SLC6A11: variants seen among roughly 807,000 people sequenced by gnomAD.
The protein encoded by SLC6A11 is solute carrier family 6 member 11.
In SLC6A11, 25 loss-of-function variants were observed where a neutral mutation model predicts 74.8. The observed-to-expected ratio is 0.33, with a 90% CI of 0.24 to 0.47. The LOEUF is 0.47. SLC6A11 is among the 20% of genes least tolerant of loss of function. SLC6A11 has a pLI of 1.00. For missense variants in SLC6A11, 574 were observed against 837.0 expected, an observed-to-expected ratio of 0.69 and a Z score of 3.88; for synonymous variants, 330 against 330.2, an observed-to-expected ratio of 1.00 and a Z score of 0.01.
intron 5 of SLC6A11, among the ~76,000 whole-genome samples, chr3:10,846,415 G>A (rs1694503840): frequency 6.6e-6 from 1 of 152,176 alleles, no homozygotes. Context: ...TGGTGGCTGT[G>A]CATGGGTGCA....
intron 6 of SLC6A11, among the ~76,000 whole-genome samples, chr3:10,899,807 C>A (rs1445585068): frequency 6.6e-6 from 1 of 152,208 alleles, no homozygotes; most frequent in Non-Finnish European, 1.5e-5. Flanking sequence ...TAGTATGGAG[C>A]AGGAGCTTAA....
chr3:10,884,465 T>C (rs984305878), intron 6 of SLC6A11, among the ~76,000 whole-genome samples: 1 of 152,238 alleles, frequency 6.6e-6, no homozygotes, highest in African/African-American at 2.4e-5. Context: ...TTATAAGTCA[T>C]GAGAATTTTA....
At chr3:10,843,173 G>A (rs1420245984) in intron 4 of SLC6A11, among the ~76,000 whole-genome samples, 3 of 152,168 alleles carry the variant, frequency 2.0e-5, no homozygotes, top group African/African-American at 4.8e-5. Context: ...AACCCCAAGC[G>A]TGGGTTCTGA....
At chr3:10,857,747 A>G (rs1419135962) in intron 5 of SLC6A11, among the ~76,000 whole-genome samples, 2 of 152,222 alleles carry the variant, frequency 1.3e-5, no homozygotes, top group Non-Finnish European at 2.9e-5. Flanking sequence ...GTTTGTGACA[A>G]GGATTTTGTA....
intron 5 of SLC6A11, among the ~76,000 whole-genome samples, chr3:10,855,693 A>C (rs909022114): frequency 1.4e-5 from 2 of 144,558 alleles, no homozygotes; most frequent in African/African-American, 4.9e-5. Flanking sequence ...TCAGACTAGT[A>C]AACAGACAGT....
intron 4 of SLC6A11, among the ~76,000 whole-genome samples, chr3:10,828,132 C>A (rs1182583421): frequency 6.6e-6 from 1 of 152,172 alleles, no homozygotes; most frequent in Non-Finnish European, 1.5e-5. Flanking sequence ...AAGTGCATAA[C>A]CAATATTGTG....
chr3:10,824,977 A>G (rs1694188095), intron 4 of SLC6A11: 1 of 152,194 alleles, frequency 6.6e-6, no homozygotes, highest in Admixed American at 6.5e-5. Context: ...TGAGGTCAGG[A>G]GTTTGAGACC....
Position 10,900,698 on chromosome 3 carries a change from G to A in SLC6A11, c.892-11392G>A, listed in dbSNP as rs75137655. 1.1e-4 allele frequency among the ~76,000 whole-genome samples: 17 copies of A among 152,270 alleles called. 1 individual carries two copies. In the East Asian group the frequency reaches 3.3e-3, roughly 29 times the overall value. On this transcript the variant is annotated intron_variant, in intron 6 of 13. Transcript: ENST00000254488. Reference sequence around the variant, plus strand: ...GTTATTAGCAAAGAAATGTGGTTCTGGGGGGAGATGATGAGGCTTCATCCT... The same window carrying A: ...GTTATTAGCAAAGAAATGTGGTTCTAGGGGGAGATGATGAGGCTTCATCCT...
chr3:10,876,782 GA>G (rs1559568408), intron 6 of SLC6A11, among the ~76,000 whole-genome samples: 163 of 106,892 alleles, frequency 1.5e-3, no homozygotes, highest in African/African-American at 7.3e-3. Context: ...GAGAGAGAGA[GA>G]GAAAAAAAAA....
At position 10,934,135 on chromosome 3, in the gene SLC6A11, G is replaced by T. The variant is rs767172687; in HGVS notation, c.1544G>T (p.Cys515Phe). 4.3e-6 allele frequency: 7 copies of T among 1,613,786 alleles called. No individual in the cohort carries two copies. Among genetic ancestry groups the T allele is most frequent in the East Asian group, 4.5e-5 (2 of 44,886 alleles). Residue 515 changes from cysteine to phenylalanine, a missense_variant, in exon 12 of 14, where the codon TGC (cysteine) becomes TTC (phenylalanine). Coordinates refer to ENST00000254488, the MANE Select transcript of SLC6A11 (RefSeq NM_014229.3). Reference sequence around the variant, plus strand: ...CGGCCACCGTCGCTCATTAAGTGGTGCTGGATGATCATGACCCCTGGGATC... The same window carrying T: ...CGGCCACCGTCGCTCATTAAGTGGTTCTGGATGATCATGACCCCTGGGATC... Reference protein sequence around the residue: ...GYRPPSLIKWCWMIMTPGICA... With the variant: ...GYRPPSLIKWFWMIMTPGICA...
chr3:10,929,118 C>A, intron 9 of SLC6A11, 84 bp from the exon 10 acceptor site: 1 of 1,463,310 alleles, frequency 6.8e-7, no homozygotes, highest in Non-Finnish European at 9.4e-7. Context: ...GCCCAGGGTT[C>A]AGGCCTGCTG....
chr3:10,841,069 G>A (rs1294284091), intron 4 of SLC6A11, among the ~76,000 whole-genome samples: 1 of 152,156 alleles, frequency 6.6e-6, no homozygotes, highest in Non-Finnish European at 1.5e-5. Flanking sequence ...CCTGAAAAGG[G>A]TGCTTCATGA....
rs1345799472 is a variant in SLC6A11, at chr3:10,940,388, C to T, written c.*1986C>T. 1.4e-5 allele frequency: 2 copies of T among 145,562 alleles called. No individual in the cohort carries two copies. Among genetic ancestry groups the T allele is most frequent in the Non-Finnish European group, 1.5e-5 (1 of 65,918 alleles). The allele number at this position is 145,562 out of a possible 1,614,324, so 9.0% of individuals were successfully genotyped here. ...CGCCATCGCCGACACACACACACGTCGTAATGTGGCTAACGCTTGACTCAC... is the reference window on the plus strand; with the variant it reads ...CGCCATCGCCGACACACACACACGTTGTAATGTGGCTAACGCTTGACTCAC... On this transcript the variant is annotated 3_prime_UTR_variant, in exon 14 of 14. Coordinates refer to ENST00000254488, the MANE Select transcript of SLC6A11 (RefSeq NM_014229.3).
chr3:10,857,670 A>C (rs1471026377), intron 5 of SLC6A11, among the ~76,000 whole-genome samples: 1 of 152,148 alleles, frequency 6.6e-6, no homozygotes, highest in Non-Finnish European at 1.5e-5. Context: ...CCAGGAAACA[A>C]ATGCTTACTC....
Position 10,819,826 on chromosome 3 carries a change from C to G in SLC6A11, c.506C>G (p.Ala169Gly). The G allele has an allele frequency of 6.2e-7, 1 of 1,614,198 alleles. No individual in the cohort carries two copies. The highest frequency in any genetic ancestry group is 8.5e-7 in the Non-Finnish European group (1 of 1,180,018). ...SNCFTTELPW[A>G]TCGHEWNTEN... ...TGCTTCACTACTGAGCTACCCTGGG[C>G]TACCTGTGGGCATGAGTGGAACACA... Residue 169 changes from alanine (A) to glycine (G), a missense_variant, in exon 3 of 14, where the codon GCT becomes GGT. Around this residue, in one of 4 missense-constraint regions of SLC6A11, gnomAD observed 215 missense variants for 357.9 expected, o/e 0.60. Transcript: ENST00000254488.
chr3:10,823,974 G>A (rs1394974182), intron 4 of SLC6A11: 2 of 153,232 alleles, frequency 1.3e-5, no homozygotes, highest in East Asian at 3.8e-4. Context: ...AATCATTGTT[G>A]GGGGTGTGTC....
chr3:10,899,297 T>A (rs1423706129), intron 6 of SLC6A11, among the ~76,000 whole-genome samples: 1 of 152,210 alleles, frequency 6.6e-6, no homozygotes, highest in Non-Finnish European at 1.5e-5. Context: ...TCTTCCACTG[T>A]TGACTGTGCC....
chr3:10,864,820 A>C (rs960556380), intron 5 of SLC6A11, among the ~76,000 whole-genome samples: 2 of 152,030 alleles, frequency 1.3e-5, no homozygotes, highest in African/African-American at 4.8e-5. Flanking sequence ...AGCTCCTCCA[A>C]ACAGCTGTGT....
chr3:10,846,840 G>A (rs1694511657), intron 5 of SLC6A11, among the ~76,000 whole-genome samples: 1 of 152,122 alleles, frequency 6.6e-6, no homozygotes, highest in Non-Finnish European at 1.5e-5. Flanking sequence ...GGCCATAGTT[G>A]CATAGTGACC....
Sources: allele counts gnomAD v4.1 joint callset (sites outside exome capture counted in the v4.1 genomes callset), GRCh38; gene constraint gnomAD v4.1.1; regional missense constraint gnomAD v4.1.1; transcripts MANE v1.5; gene names NCBI Gene and HGNC (gene_info 2026-07-23, HGNC 2026-07-21).